The following TRAF3 variants were observed in gnomAD, a reference collection of about 807,000 sequenced individuals.
The protein encoded by TRAF3 is TNF receptor-associated factor 3.
A neutral mutation model predicts 62.3 loss-of-function variants in TRAF3; 13 were observed. The observed-to-expected ratio is 0.21, with a 90% CI of 0.14 to 0.33. The LOEUF is 0.33. Ranked by LOEUF, TRAF3 falls within the 10% of genes least tolerant of loss-of-function variation. TRAF3 has a pLI of 1.00. For synonymous variants in TRAF3, 269 were observed against 283.4 expected (o/e 0.95, Z 0.51); for missense variants, 440 against 741.8 (o/e 0.59, Z 4.73).
intron 2 of TRAF3, among the ~76,000 whole-genome samples, chr14:102,845,422 C>T (rs371744290): frequency 3.3e-5 from 5 of 151,512 alleles, no homozygotes; most frequent in South Asian, 2.1e-4. Flanking sequence ...AGGCTGGTCT[C>T]GAACTCCTGA....
intron 1 of TRAF3, among the ~76,000 whole-genome samples, chr14:102,817,363 A>G (rs1899599860): frequency 2.6e-5 from 4 of 152,038 alleles, no homozygotes; most frequent in Admixed American, 2.0e-4. Flanking sequence ...TGTGTGTGTT[A>G]ACAGCTTCTT....
intron 1 of TRAF3, among the ~76,000 whole-genome samples, chr14:102,811,550 GTTTTTTTTTTTTTT>G (rs35064640): frequency 1.3e-5 from 1 of 79,488 alleles, no homozygotes; most frequent in Non-Finnish European, 2.3e-5. Flanking sequence ...GCTGTAGGCG[GTTTTTTTTTTTTTT>G]TTTTTTTTTT....
At chr14:102,895,134 T>C (rs1333531297) in intron 9 of TRAF3, 1 of 455,676 alleles carries the variant, frequency 2.2e-6, no homozygotes, top group Non-Finnish European at 4.4e-6. Flanking sequence ...AATGAATGAA[T>C]TGTTACTTTC....
At chr14:102,880,185 G>A (rs193042020) in intron 6 of TRAF3, among the ~76,000 whole-genome samples, 224 of 152,234 alleles carry the variant, frequency 1.5e-3, no homozygotes, top group African/African-American at 5.3e-3. Flanking sequence ...TTGGAGTCAA[G>A]TAATTCCTCC....
intron 2 of TRAF3, among the ~76,000 whole-genome samples, chr14:102,850,915 TCTC>T: frequency 6.6e-6 from 1 of 152,160 alleles, no homozygotes; most frequent in Non-Finnish European, 1.5e-5. Flanking sequence ...GCAAACATCT[TCTC>T]AAACCTGATG....
At chr14:102,887,064 C>CT (rs1889434287) in intron 7 of TRAF3, among the ~76,000 whole-genome samples, 1 of 152,240 alleles carries the variant, frequency 6.6e-6, no homozygotes. Context: ...GCTTGGCACT[C>CT]TTTCTTTGAG....
chr14:102,897,345 A>G lies in TRAF3; in HGVS notation c.904A>G (p.Ile302Val), dbSNP rs1163992779. The change falls in exon 10 of 12, where the codon ATT becomes GTT. Residue 302 changes from isoleucine to valine, a missense_variant. Physicochemically the swap from Ile to Val is conservative, Grantham distance 29. Around this residue, in one of 6 missense-constraint regions of TRAF3, gnomAD observed 255 missense variants for 424.1 expected, o/e 0.60. Transcript: ENST00000392745. ...HNQICSFEIE[I>V]ERQKEMLRNN... ...TCAGATATGTAGCTTTGAAATTGAA[A>G]TTGAGAGACAAAAGGAAATGCTTCG... 1.2e-6 allele frequency: 2 copies of G among 1,614,112 alleles called. No individual in the cohort carries two copies.
In TRAF3 at chr14:102,879,687, G is replaced by A. The variant is rs111427954; in HGVS notation, c.570+3162G>A. 2.6e-3 allele frequency among the ~76,000 whole-genome samples: 385 copies of A among 150,028 alleles called. 3 individuals are homozygous for A. Among genetic ancestry groups the A allele is most frequent in the African/African-American group, 8.9e-3 (364 of 41,060 alleles). On this transcript the variant is annotated intron_variant, in intron 6 of 11. Coordinates refer to ENST00000392745, the MANE Select transcript of TRAF3 (RefSeq NM_145725.3). The stretch of plus-strand genomic sequence containing the variant: ...TGCCATTAAAAGTAATGGCAAAAAC[G>A]GCAATTACTTTTGCACCAACTAAAT...
At chr14:102,857,007 A>G (rs1482901357) in intron 2 of TRAF3, among the ~76,000 whole-genome samples, 3 of 152,248 alleles carry the variant, frequency 2.0e-5, no homozygotes, top group Admixed American at 6.5e-5. Context: ...AAAGAGTACA[A>G]CAGCAATATA....
chr14:102,851,642 G>A (rs527703118), intron 2 of TRAF3, among the ~76,000 whole-genome samples: 2 of 152,246 alleles, frequency 1.3e-5, no homozygotes, highest in Non-Finnish European at 2.9e-5. Flanking sequence ...TACTCAGGAG[G>A]CTGAGGCAGG....
At chr14:102,801,960 G>T (rs1189491648) in intron 1 of TRAF3, among the ~76,000 whole-genome samples, 2 of 147,400 alleles carry the variant, frequency 1.4e-5, no homozygotes, top group Non-Finnish European at 1.5e-5. Context: ...AGCTTGCAGT[G>T]AGCCGAGATC....
intron 2 of TRAF3, among the ~76,000 whole-genome samples, chr14:102,839,996 C>T (rs1406119243): frequency 1.3e-5 from 2 of 152,094 alleles, no homozygotes; most frequent in Non-Finnish European, 2.9e-5. Context: ...TAGTCTAATT[C>T]TACTTAGTAA....
intron 1 of TRAF3, among the ~76,000 whole-genome samples, chr14:102,786,809 A>G (rs1424808686): frequency 6.6e-6 from 1 of 152,216 alleles, no homozygotes; most frequent in Non-Finnish European, 1.5e-5. Context: ...ACATAGTGTT[A>G]TAAGACCTTG....
intron 1 of TRAF3, among the ~76,000 whole-genome samples, chr14:102,812,239 A>G (rs949046941): frequency 6.6e-6 from 1 of 151,874 alleles, no homozygotes; most frequent in Non-Finnish European, 1.5e-5. Context: ...CACATGTATT[A>G]GTGAGAACAT....
intron 6 of TRAF3, chr14:102,876,747 A>G: frequency 1.7e-6 from 1 of 578,880 alleles, no homozygotes; most frequent in Non-Finnish European, 3.0e-6. Context: ...CAACTCATAG[A>G]TAATCCGTTC....
At chr14:102,781,514 T>G (rs1897271538) in intron 1 of TRAF3, among the ~76,000 whole-genome samples, 1 of 152,170 alleles carries the variant, frequency 6.6e-6, no homozygotes, top group Admixed American at 6.5e-5. Context: ...AAACAGCCCC[T>G]TCCTAGCCTG....
chr14:102,856,352 G>A (rs1035573637), intron 2 of TRAF3, among the ~76,000 whole-genome samples: 5 of 152,122 alleles, frequency 3.3e-5, no homozygotes, highest in African/African-American at 1.2e-4. Context: ...GGCAGTATCT[G>A]GAACTGAGGG....
chr14:102,893,955 T>C (rs1361430590), intron 9 of TRAF3, among the ~76,000 whole-genome samples: 2 of 152,240 alleles, frequency 1.3e-5, no homozygotes, highest in Admixed American at 1.3e-4. Flanking sequence ...TTTCTTATTA[T>C]AGAATTATTT....
intron 1 of TRAF3, among the ~76,000 whole-genome samples, chr14:102,783,912 T>C (rs1897367542): frequency 6.6e-6 from 1 of 152,206 alleles, no homozygotes; most frequent in African/African-American, 2.4e-5. Context: ...TTGCTTATTA[T>C]GAGTAAGATG....
Sources: allele counts gnomAD v4.1 joint callset (sites outside exome capture counted in the v4.1 genomes callset), GRCh38; gene constraint gnomAD v4.1.1; regional missense constraint gnomAD v4.1.1; transcripts MANE v1.5; gene names NCBI Gene and HGNC (gene_info 2026-07-23, HGNC 2026-07-21).